The following LAMB3 variants were observed in gnomAD, a reference collection of about 807,000 sequenced individuals.
The protein encoded by LAMB3 is laminin subunit beta 3.
A neutral mutation model predicts 140.3 loss-of-function variants in LAMB3; 104 were observed. The observed-to-expected ratio is 0.74, with a 90% confidence interval of 0.63 to 0.87. The LOEUF (loss-of-function observed/expected upper bound fraction) is 0.87, where lower values mean the gene tolerates loss of function less well. Among genes scored for constraint, LAMB3 ranks in the 40% least tolerant of loss-of-function variants. LAMB3 has a pLI of 0.00. For synonymous variants in LAMB3, 592 were observed against 602.9 expected (o/e 0.98, Z 0.26); for missense variants, 1,531 against 1,575.2 (o/e 0.97, Z 0.47).
At position 209,616,581 on chromosome 1, in the gene LAMB3, C is replaced by T. The variant is rs186130143; in HGVS notation, c.3272G>A (p.Arg1091Gln). ...IKQKYAELKD[R>Q]LGQSSMLGEQ... is the part of the protein sequence containing the mutation. ...ACCCAGCATGGAACTCTGACCCAACCGGTCCTTCAACTCAGCATACTTTTG... is the reference window on the plus strand; with the variant it reads ...ACCCAGCATGGAACTCTGACCCAACTGGTCCTTCAACTCAGCATACTTTTG... The change falls in exon 22 of 23, where the codon CGG (arginine) becomes CAG (glutamine). Residue 1091 changes from arginine (R) to glutamine (Q), a missense_variant. Physicochemically the swap from Arg to Gln is conservative, Grantham distance 43 (BLOSUM62 1). Transcript: ENST00000356082. The T allele has an allele frequency of 3.2e-5, 51 of 1,614,114 alleles. No individual in the cohort carries two copies. The highest frequency in any genetic ancestry group is 1.6e-4 in the Middle Eastern group (1 of 6,062).
At chr1:209,625,030 C>A (rs1023116078) in intron 14 of LAMB3, among the ~76,000 whole-genome samples, 3 of 152,138 alleles carry the variant, frequency 2.0e-5, no homozygotes, top group South Asian at 4.1e-4. Flanking sequence ...GTTCCTCTCC[C>A]GGAGCCCCCA....
intron 10 of LAMB3, 44 bp downstream of exon 10, chr1:209,629,693 G>A (rs1296178228): frequency 6.3e-7 from 1 of 1,575,966 alleles, no homozygotes; most frequent in East Asian, 2.2e-5. Context: ...GAGATGGGGA[G>A]TAACAGACAA....
intron 10 of LAMB3, 110 bp from the exon 11 acceptor site, chr1:209,628,300 A>G (rs1666553361): frequency 1.6e-6 from 2 of 1,236,360 alleles, no homozygotes; most frequent in East Asian, 2.5e-5. Flanking sequence ...ACTGGATTTC[A>G]AATTCACAGC....
rs748584097 is a variant in LAMB3 at position 209,630,596 on chromosome 1, G to GT, written c.943+18_943+19insA. On this transcript the variant is annotated intron_variant, in intron 9 of 22. Transcript: ENST00000356082. ...CTCGACCCAGACCCTACAGGGGAGG[G>GT]GTGATCCAAAGCTCCTACTTTGGCA... 121 of 1,614,142 alleles carry GT rather than the reference G, an allele frequency of 7.5e-5. 2 individuals carry two copies. In the South Asian group the frequency reaches 1.2e-3, roughly 16 times the overall value.
In LAMB3 at chr1:209,626,899, C is replaced by T. The variant is rs144249951; in HGVS notation, c.1565G>A (p.Arg522Gln). 175 of 1,613,910 alleles carry T rather than the reference C, an allele frequency of 1.1e-4. No homozygotes were observed. The highest frequency in any genetic ancestry group is 6.2e-4 in the Admixed American group (37 of 60,028). Reference protein sequence around the residue: ...SAAAIRQCPDRTYGDVATGCR... With the variant: ...SAAAIRQCPDQTYGDVATGCR... Reference sequence around the variant, plus strand: ...TCCTGTGGCCACGTCTCCATAGGTCCGGTCTGGACACTGGCGGATGGCTGC... The same window carrying T: ...TCCTGTGGCCACGTCTCCATAGGTCTGGTCTGGACACTGGCGGATGGCTGC... The change falls in exon 13 of 23, where the codon CGG becomes CAG. Residue 522 changes from arginine to glutamine, a missense_variant. By Grantham distance (43) the Arg-to-Gln change is conservative (BLOSUM62 1). Transcript: ENST00000356082.
chr1:209,617,356 T>C, intron 21 of LAMB3, 54 bp downstream of exon 21: 2 of 1,570,284 alleles, frequency 1.3e-6, no homozygotes, highest in Non-Finnish European at 1.7e-6. Context: ...CCTCCTCTGC[T>C]CAGGACCCCC....
In LAMB3 at chr1:209,617,470, C is replaced by T. The variant is rs760642281; in HGVS notation, c.3168G>A (p.Glu1056=). The T allele has an allele frequency of 1.1e-5, 18 of 1,613,638 alleles. No individual in the cohort carries two copies. Among genetic ancestry groups the T allele is most frequent in the African/African-American group, 2.7e-5 (2 of 74,928 alleles). ...LRHQARQQGA[E]AVQAQQLAEG... ...CCGCAAGCTGCTGGGCCTGGACTGC[C>T]TCTGCCCCCTGCTGCCGGGCTTGGT... The change falls in exon 21 of 23, where the codon GAG becomes GAA. Residue 1056 remains glutamate, a synonymous_variant. Transcript: ENST00000356082.
At chr1:209,632,467 T>C in intron 8 of LAMB3, 116 bp downstream of exon 8, 1 of 789,028 alleles carries the variant, frequency 1.3e-6, no homozygotes. Context: ...TGCTGAAGTA[T>C]TAAATACCCA....
chr1:209,633,039 T>A, intron 7 of LAMB3, 31 bp downstream of exon 7: 3 of 1,513,148 alleles, frequency 2.0e-6, no homozygotes, highest in Non-Finnish European at 2.8e-6. Context: ...CCACCCATAG[T>A]TCCATGGACA....
intron 6 of LAMB3, among the ~76,000 whole-genome samples, chr1:209,634,046 T>A (rs1187752627): frequency 6.6e-6 from 1 of 152,176 alleles, no homozygotes; most frequent in Non-Finnish European, 1.5e-5. Context: ...AATGTTTATT[T>A]TTGTGTTAAA....
chr1:209,616,580 C>T lies in LAMB3; in HGVS notation c.3273G>A (p.Arg1091=), dbSNP rs1665975799. The change falls in exon 22 of 23, where the codon CGG becomes CGA. Residue 1091 remains arginine, a synonymous_variant. Transcript: ENST00000356082. The part of the protein sequence containing the change: ...IKQKYAELKD[R]LGQSSMLGEQ... ...CACCCAGCATGGAACTCTGACCCAA[C>T]CGGTCCTTCAACTCAGCATACTTTT... is the stretch of plus-strand genomic sequence containing the variant. 5.6e-6 allele frequency: 9 copies of T among 1,614,094 alleles called. No homozygotes were observed. In the South Asian group the frequency reaches 9.9e-5, roughly 18 times the overall value.
In LAMB3 at chr1:209,622,526, C is replaced by A. The variant is rs2102412672; in HGVS notation, c.2701+10G>T. On this transcript the variant is annotated intron_variant, in intron 18 of 22. Transcript: ENST00000356082. The stretch of plus-strand genomic sequence containing the variant: ...AACAGCAGCCAAGGTGGGGTGGAGA[C>A]TGGGCTCACCTGTTAGGAAGTCCCG... 1.9e-6 allele frequency: 3 copies of A among 1,613,610 alleles called. No individual in the cohort carries two copies. The highest frequency in any genetic ancestry group is 2.5e-6 in the Non-Finnish European group (3 of 1,179,976).
chr1:209,624,039 G>T, intron 14 of LAMB3, 39 bp from the exon 15 acceptor site: 1 of 1,585,360 alleles, frequency 6.3e-7, no homozygotes, highest in Non-Finnish European at 8.6e-7. Flanking sequence ...ATATAGGAGG[G>T]AGTTTTGCCT....
Position 209,617,917 on chromosome 1 carries a change from C to T in LAMB3, c.3041G>A (p.Arg1014Lys). 2 of 1,614,226 alleles carry T rather than the reference C, an allele frequency of 1.2e-6. No individual in the cohort carries two copies. The highest frequency in any genetic ancestry group is 1.7e-6 in the Non-Finnish European group (2 of 1,180,042). The change falls in exon 20 of 23, where the codon AGG (arginine) becomes AAG (lysine). Residue 1014 changes from arginine to lysine, a missense_variant. Transcript: ENST00000356082. The part of the protein sequence containing the change: ...TSRSLRLIQD[R>K]VAEVQQVLRP... ...GCCATAATGCCTCACCTCAGCAACC[C>T]TGTCCTGGATAAGCCGAAGGGAGCG...
chr1:209,617,630 A>G (rs748440608), intron 20 of LAMB3, 44 bp from the exon 21 acceptor site: 7 of 1,607,330 alleles, frequency 4.4e-6, no homozygotes, highest in Non-Finnish European at 5.1e-6. Context: ...TGGGTCTCAT[A>G]GGTCGGGGGG....
chr1:209,649,701 T>G (rs997536811), intron 3 of LAMB3, among the ~76,000 whole-genome samples: 2 of 152,216 alleles, frequency 1.3e-5, no homozygotes, highest in Non-Finnish European at 2.9e-5. Context: ...GCCCAAGGAC[T>G]GAGAAAAGAC....
intron 10 of LAMB3, 139 bp downstream of exon 10, chr1:209,629,598 C>G (rs1347839769): frequency 2.6e-6 from 2 of 767,740 alleles, no homozygotes; most frequent in Non-Finnish European, 4.6e-6. Context: ...AAATAATCTC[C>G]CACAAATCCT....
chr1:209,645,568 C>A (rs2076509573), intron 3 of LAMB3, among the ~76,000 whole-genome samples: 1 of 151,814 alleles, frequency 6.6e-6, no homozygotes, highest in Non-Finnish European at 1.5e-5. Context: ...ATACAAAAAT[C>A]AACTGGGCAT....
At chr1:209,633,551 T>C (rs1258799733) in intron 6 of LAMB3, among the ~76,000 whole-genome samples, 1 of 148,160 alleles carries the variant, frequency 6.7e-6, no homozygotes, top group Non-Finnish European at 1.5e-5. Flanking sequence ...TCAACTATGC[T>C]TTGATTTATT....
Sources: allele counts gnomAD v4.1 joint callset (sites outside exome capture counted in the v4.1 genomes callset), GRCh38; gene constraint gnomAD v4.1.1; transcripts MANE v1.5; gene names NCBI Gene and HGNC (gene_info 2026-07-23, HGNC 2026-07-21).